GID8: variants seen among roughly 807,000 people sequenced by gnomAD.
GID8 encodes GID complex subunit 8 homolog, also known as glucose-induced degradation protein 8 homolog.
GID8 carries 6 observed loss-of-function variants against 27.4 expected under a neutral mutation model. The observed-to-expected ratio is 0.22, with a 90% confidence interval of 0.12 to 0.43. The LOEUF (loss-of-function observed/expected upper bound fraction) is 0.43. Among genes scored for constraint, GID8 ranks in the 20% least tolerant of loss-of-function variants. The probability of loss-of-function intolerance (pLI) is 1.00; values close to 1 mark genes in which losing one functional copy is unlikely to be tolerated. For missense variants in GID8, 173 were observed against 287.6 expected, an observed-to-expected ratio of 0.60 and a Z score of 2.88; for synonymous variants, 112 against 109.0, an observed-to-expected ratio of 1.03 and a Z score of -0.17.
At chr20:62,942,250 G>C (rs1244453370) in intron 2 of GID8, among the ~76,000 whole-genome samples, 2 of 152,060 alleles carry the variant, frequency 1.3e-5, no homozygotes, top group African/African-American at 4.8e-5. Context: ...AGGAATTCCA[G>C]ACCAGCCTGG....
rs909389108 is a variant in GID8, at chr20:62,938,167, C to T, written c.-99C>T. The T allele has an allele frequency of 2.0e-5, 5 of 254,708 alleles. No homozygotes were observed. Among genetic ancestry groups the T allele is most frequent in the Non-Finnish European group, 3.7e-5 (5 of 133,894 alleles). The allele number at this position is 254,708 out of a possible 1,614,324, so 15.8% of individuals were successfully genotyped here. ...TCTGCCTCCTTCTACTCGGGCGCCC[C>T]GGCGGCCGCCACCTCTCCCCAGCCC... On this transcript the variant is annotated 5_prime_UTR_variant, in exon 1 of 5. Coordinates refer to ENST00000266069, the MANE Select transcript of GID8 (RefSeq NM_017896.3).
chr20:62,946,412 T>G lies in GID8; in HGVS notation c.*1500T>G, dbSNP rs1398833729. On this transcript the variant is annotated 3_prime_UTR_variant, in exon 5 of 5. Coordinates refer to ENST00000266069, the MANE Select transcript of GID8 (RefSeq NM_017896.3). ...TCAGGAGGCGTCCACAGCATTGTTC[T>G]CGCCTCTGAATGATGCTTCTTTCTG... 1 of 174,662 alleles carries G rather than the reference T, an allele frequency of 5.7e-6. No individual in the cohort carries two copies. Among genetic ancestry groups the G allele is most frequent in the Non-Finnish European group, 1.2e-5 (1 of 81,308 alleles). The allele number at this position is 174,662 out of a possible 1,614,324, so 10.8% of individuals were successfully genotyped here. A position where few individuals can be genotyped will look rare whatever the true frequency, so the allele number is the denominator to read the frequency against.
In GID8 at chr20:62,947,552, C is replaced by G. The variant is rs1347371550; in HGVS notation, c.*2640C>G. On this transcript the variant is annotated 3_prime_UTR_variant, in exon 5 of 5. Coordinates refer to ENST00000266069, the MANE Select transcript of GID8 (RefSeq NM_017896.3). ...TGAGAGTATTCTGGTACTCTGTGTT[C>G]CAGATGCATGAAATTGGGTGAGGAA... 3 of 152,560 alleles carry G rather than the reference C, an allele frequency of 2.0e-5. No individual in the cohort carries two copies. Among genetic ancestry groups the G allele is most frequent in the Admixed American group, 2.0e-4 (3 of 15,282 alleles). The allele number at this position is 152,560 out of a possible 1,614,324, so 9.5% of individuals were successfully genotyped here.
chr20:62,938,961 T>TA (rs909713593), intron 1 of GID8: 1 of 151,862 alleles, frequency 6.6e-6, no homozygotes, highest in Non-Finnish European at 1.5e-5. Context: ...CTGCTAAAAA[T>TA]AAAAAAATTA....
intron 1 of GID8, among the ~76,000 whole-genome samples, chr20:62,939,421 GC>G (rs367965638): frequency 2.8e-5 from 4 of 142,686 alleles, no homozygotes; most frequent in East Asian, 4.1e-4. Context: ...CCCCAGCACC[GC>G]CCCCCCCGCC....
At position 62,941,473 on chromosome 20, in the gene GID8, G is replaced by T; in HGVS notation, c.-12-18G>T. 7.1e-7 allele frequency: 1 copy of T among 1,399,402 alleles called. No homozygotes were observed. 86.7% of individuals were successfully genotyped at this position (1,399,402 alleles called of 1,614,324 possible). ...GAGCATCTAAACCCCTCCCTCAGCT[G>T]TTATTTTTTTCCTGTAGAAATAAAT... On this transcript the variant is annotated intron_variant, in intron 1 of 4. Transcript: ENST00000266069.
At position 62,943,368 on chromosome 20, in the gene GID8, T is replaced by G; in HGVS notation, c.316-127T>G. 3 of 1,044,688 alleles carry G rather than the reference T, an allele frequency of 2.9e-6. No homozygotes were observed. Among genetic ancestry groups the G allele is most frequent in the Non-Finnish European group, 4.2e-6 (3 of 711,472 alleles). The allele number at this position is 1,044,688 out of a possible 1,614,324, so 64.7% of individuals were successfully genotyped here. A position where few individuals can be genotyped will look rare whatever the true frequency, so the allele number is the denominator to read the frequency against. On this transcript the variant is annotated intron_variant, in intron 3 of 4. Transcript: ENST00000266069. The surrounding 1 kb of genome is among the most constrained non-coding windows in gnomAD (Gnocchi z 4.7). ...GGTTTTTTGTTTTAAAAATGCAAAT[T>G]TGATAACTCAGAGATGCAAGAAAAG...
chr20:62,939,363 G>C (rs1430694005), intron 1 of GID8, among the ~76,000 whole-genome samples: 1 of 151,940 alleles, frequency 6.6e-6, no homozygotes, highest in Non-Finnish European at 1.5e-5. Context: ...CCCTATCTAC[G>C]CTCTTCCTAT....
chr20:62,944,864 T>C lies in GID8; in HGVS notation c.639T>C (p.Tyr213=), dbSNP rs970880128. 3 of 1,614,000 alleles carry C rather than the reference T, an allele frequency of 1.9e-6. No homozygotes were observed. Among genetic ancestry groups the C allele is most frequent in the Non-Finnish European group, 2.5e-6 (3 of 1,179,936 alleles). The change falls in exon 5 of 5, where the codon TAT becomes TAC. Residue 213 remains tyrosine, a synonymous_variant. Transcript: ENST00000266069. ...QNELDQKKVK[Y]PKMTDLSKGV... The stretch of plus-strand genomic sequence containing the variant: ...AGCTGGACCAGAAGAAAGTAAAATA[T>C]CCCAAAATGACAGACCTCAGCAAGG...
At chr20:62,939,067 A>G (rs2065424288) in intron 1 of GID8, among the ~76,000 whole-genome samples, 1 of 152,098 alleles carries the variant, frequency 6.6e-6, no homozygotes, top group Non-Finnish European at 1.5e-5. Flanking sequence ...GCGGTGAGCC[A>G]TGATCGCGCC....
At position 62,941,473 on chromosome 20, in the gene GID8, G is replaced by A; in HGVS notation, c.-12-18G>A. ...GAGCATCTAAACCCCTCCCTCAGCT[G>A]TTATTTTTTTCCTGTAGAAATAAAT... On this transcript the variant is annotated intron_variant, in intron 1 of 4. Coordinates refer to ENST00000266069, the MANE Select transcript of GID8 (RefSeq NM_017896.3). The A allele has an allele frequency of 7.1e-7, 1 of 1,399,402 alleles. No homozygotes were observed. The highest frequency in any genetic ancestry group is 1.0e-6 in the Non-Finnish European group (1 of 984,380). The allele number at this position is 1,399,402 out of a possible 1,614,324, so 86.7% of individuals were successfully genotyped here.
At chr20:62,939,134 G>A (rs1018970822) in intron 1 of GID8, among the ~76,000 whole-genome samples, 2 of 151,832 alleles carry the variant, frequency 1.3e-5, no homozygotes, top group Non-Finnish European at 2.9e-5. Context: ...AAAAGAAAAA[G>A]AAAATGAGTC....
chr20:62,940,171 T>C (rs2065435846), intron 1 of GID8, among the ~76,000 whole-genome samples: 1 of 150,788 alleles, frequency 6.6e-6, no homozygotes, highest in Admixed American at 6.7e-5. Context: ...AACTCTCTTT[T>C]TCTTTTCTTT....
In GID8 at chr20:62,943,740, A is replaced by G; in HGVS notation, c.513+48A>G. On this transcript the variant is annotated intron_variant, in intron 4 of 4. Coordinates refer to ENST00000266069, the MANE Select transcript of GID8 (RefSeq NM_017896.3). This position sits in a 1 kb window ranked among gnomAD's most constrained non-coding sequence, Gnocchi z 4.7. Reference sequence around the variant, plus strand: ...TTTCTTCCATTCCCCATGTGCTCTGAGGGGGCTTCGTGACAACGCCAAGTG... The same window carrying G: ...TTTCTTCCATTCCCCATGTGCTCTGGGGGGGCTTCGTGACAACGCCAAGTG... 1.4e-6 allele frequency: 2 copies of G among 1,449,882 alleles called. No individual in the cohort carries two copies. Among genetic ancestry groups the G allele is most frequent in the Non-Finnish European group, 1.9e-6 (2 of 1,038,408 alleles). 89.8% of individuals were successfully genotyped at this position (1,449,882 alleles called of 1,614,324 possible).
At chr20:62,942,953 C>T (rs1421411521) in intron 2 of GID8, 34 bp from the exon 3 acceptor site, 2 of 1,543,934 alleles carry the variant, frequency 1.3e-6, no homozygotes, top group African/African-American at 1.4e-5. Flanking sequence ...TCCTTGCTAA[C>T]TTTCCTAGCA....
chr20:62,943,236 T>A lies in GID8; in HGVS notation c.315+53T>A. 1.5e-6 allele frequency: 2 copies of A among 1,340,012 alleles called. No homozygotes were observed. Among genetic ancestry groups the A allele is most frequent in the East Asian group, 4.6e-5 (2 of 43,186 alleles). The allele number at this position is 1,340,012 out of a possible 1,614,324, so 83.0% of individuals were successfully genotyped here. Reference sequence around the variant, plus strand: ...TTGTGAATACTTGATAAGTTAAAGTTATTTGCAATGATTGAGAAATAACTA... The same window carrying A: ...TTGTGAATACTTGATAAGTTAAAGTAATTTGCAATGATTGAGAAATAACTA... On this transcript the variant is annotated intron_variant, in intron 3 of 4. Transcript: ENST00000266069. This position sits in a 1 kb window ranked among gnomAD's most constrained non-coding sequence, Gnocchi z 4.7.
Position 62,943,835 on chromosome 20 carries a change from G to C in GID8, c.513+143G>C, listed in dbSNP as rs990456734. On this transcript the variant is annotated intron_variant, in intron 4 of 4. Transcript: ENST00000266069. This position sits in a 1 kb window ranked among gnomAD's most constrained non-coding sequence, Gnocchi z 4.7. The stretch of plus-strand genomic sequence containing the variant: ...TGGGATGCTAAGTGGTTCCTTCATG[G>C]CTTTTTTTTTTTTTTTTGGAGGTGA... 4.1e-5 allele frequency: 23 copies of C among 562,452 alleles called. No homozygotes were observed. The African/African-American group carries it at 4.5e-4, about 11-fold the overall frequency. 34.8% of individuals were successfully genotyped at this position (562,452 alleles called of 1,614,324 possible).
intron 1 of GID8, among the ~76,000 whole-genome samples, chr20:62,939,045 G>C (rs2147626177): frequency 6.6e-6 from 1 of 152,196 alleles, no homozygotes; most frequent in South Asian, 2.1e-4. Context: ...TTGAGCCCAG[G>C]AGGTCGAGGC....
At position 62,945,816 on chromosome 20, in the gene GID8, G is replaced by A. The variant is rs780086924; in HGVS notation, c.*904G>A. 1.9e-4 allele frequency: 251 copies of A among 1,287,756 alleles called. 1 individual carries two copies. The highest frequency in any genetic ancestry group is 5.8e-4 in the South Asian group (47 of 80,872). The allele number at this position is 1,287,756 out of a possible 1,614,324, so 79.8% of individuals were successfully genotyped here. A position where few individuals can be genotyped will look rare whatever the true frequency, so the allele number is the denominator to read the frequency against. ...GAGGCAGCCCTTGGCCGGTGGGGAC[G>A]CAGAGCCCCAGCAGGTGGTGCACGA... On this transcript the variant is annotated 3_prime_UTR_variant, in exon 5 of 5. Transcript: ENST00000266069.
Sources: allele counts gnomAD v4.1 joint callset (sites outside exome capture counted in the v4.1 genomes callset), GRCh38; gene constraint gnomAD v4.1.1; non-coding constraint Gnocchi (gnomAD v3.1); transcripts MANE v1.5; gene names NCBI Gene and HGNC (gene_info 2026-07-23, HGNC 2026-07-21).